The following BEND7 variants were observed in gnomAD, a reference collection of about 807,000 sequenced individuals.
BEND7 encodes BEN domain-containing protein 7.
Under a neutral mutation model 50.9 loss-of-function variants are expected in BEND7, and 28 were observed. That is an observed-to-expected ratio of 0.55 (90% CI 0.41 to 0.75). The LOEUF (loss-of-function observed/expected upper bound fraction) is 0.75. BEND7 is among the 30% of genes least tolerant of loss of function. The pLI is 0.00. For synonymous variants in BEND7, 170 were observed against 183.9 expected (o/e 0.92, Z 0.61); for missense variants, 477 against 491.3 (o/e 0.97, Z 0.28).
At chr10:13,500,396 G>A (rs563855375) in intron 2 of BEND7, 2 of 605,736 alleles carry the variant, frequency 3.3e-6, no homozygotes, top group South Asian at 4.2e-5. Context: ...TAGGTGATGA[G>A]GAAACAGGCT....
At chr10:13,439,472 A>G (rs754260487), downstream of BEND7, 3 of 1,612,206 alleles carry the variant, frequency 1.9e-6, no homozygotes, top group Non-Finnish European at 8.5e-7. Context: ...CACCCGGCAG[A>G]ACAGTGCAGG....
In BEND7 at chr10:13,499,764, G is replaced by A; in HGVS notation, c.448+14C>T. On this transcript the variant is annotated intron_variant, in intron 3 of 8. Coordinates refer to ENST00000466271, the MANE Select transcript of BEND7 (RefSeq NM_001369863.1). Reference sequence around the variant, plus strand: ...CCCCATGAGAGCCTTCTGAATGTTTGTTGACAACCATACCATTGGAGCTCG... The same window carrying A: ...CCCCATGAGAGCCTTCTGAATGTTTATTGACAACCATACCATTGGAGCTCG... 2.5e-6 allele frequency: 4 copies of A among 1,586,078 alleles called. No individual in the cohort carries two copies. Among genetic ancestry groups the A allele is most frequent in the Non-Finnish European group, 3.4e-6 (4 of 1,162,162 alleles).
At chr10:13,478,513 G>A (rs962373150) in intron 6 of BEND7, among the ~76,000 whole-genome samples, 22 of 152,170 alleles carry the variant, frequency 1.4e-4, no homozygotes, top group Non-Finnish European at 1.5e-4. Context: ...ATGTTGACTA[G>A]CCAGAATGAA....
chr10:13,527,909 A>C (rs2079534389), intron 1 of BEND7: 1 of 891,272 alleles, frequency 1.1e-6, no homozygotes, highest in Non-Finnish European at 1.3e-6. Context: ...TTTTTAAAGG[A>C]TGCTTATCTG....
At chr10:13,509,306 A>G (rs1460429359) in intron 2 of BEND7, among the ~76,000 whole-genome samples, 1 of 152,178 alleles carries the variant, frequency 6.6e-6, no homozygotes, top group African/African-American at 2.4e-5. Context: ...TTTAATTTTA[A>G]AACAATCTTC....
At chr10:13,439,053 A>G (rs1304853941), downstream of BEND7, 1 of 979,796 alleles carries the variant, frequency 1.0e-6, no homozygotes, top group African/African-American at 1.6e-5. Context: ...CAAAGGGGAG[A>G]GAGGGCATCC....
rs1261145851 is a variant in BEND7 at position 13,518,690 on chromosome 10, A to T, written c.145+7448T>A. Among the ~76,000 whole-genome samples, 4 of 152,368 alleles carry T rather than the reference A, an allele frequency of 2.6e-5. No homozygotes were observed. In the East Asian group the frequency reaches 7.7e-4, roughly 29 times the overall value. On this transcript the variant is annotated intron_variant, in intron 2 of 8. Transcript: ENST00000466271. Reference sequence around the variant, plus strand: ...TTGAAAAAAGAAGTTGTATCTCACAAATCAACATCAGAAATCCCAAATTTC... The same window carrying T: ...TTGAAAAAAGAAGTTGTATCTCACATATCAACATCAGAAATCCCAAATTTC...
intron 6 of BEND7, among the ~76,000 whole-genome samples, chr10:13,473,450 C>T (rs1359285772): frequency 2.0e-5 from 3 of 148,940 alleles, no homozygotes; most frequent in African/African-American, 5.0e-5. Flanking sequence ...GATTTGGGGT[C>T]GATACCCATC....
chr10:13,506,138 G>C (rs948011102), intron 2 of BEND7, among the ~76,000 whole-genome samples: 1 of 151,744 alleles, frequency 6.6e-6, no homozygotes, highest in East Asian at 1.9e-4. Flanking sequence ...TGGTTTTCCC[G>C]GCCCACTGAC....
intron 4 of BEND7, 114 bp from the exon 5 acceptor site, chr10:13,492,990 G>T: frequency 8.0e-7 from 1 of 1,243,286 alleles, no homozygotes; most frequent in Non-Finnish European, 1.1e-6. Context: ...AAAACTCCAG[G>T]ATGAAGCACA....
chr10:13,448,972 CAAAAA>C (rs35336154), intron 7 of BEND7, among the ~76,000 whole-genome samples: 1 of 56,674 alleles, frequency 1.8e-5, no homozygotes. Flanking sequence ...GACTCCATCT[CAAAAA>C]AAAAAAAAAA....
At chr10:13,466,523 C>T (rs1047517896) in intron 6 of BEND7, among the ~76,000 whole-genome samples, 1 of 151,400 alleles carries the variant, frequency 6.6e-6, no homozygotes, top group Non-Finnish European at 1.5e-5. Flanking sequence ...CACACCACTG[C>T]AGTCCAGTCT....
At chr10:13,460,642 A>T (rs1200633459) in intron 6 of BEND7, among the ~76,000 whole-genome samples, 1 of 152,194 alleles carries the variant, frequency 6.6e-6, no homozygotes, top group Non-Finnish European at 1.5e-5. Flanking sequence ...GCCTTTGTGC[A>T]CCCACAAATC....
intron 3 of BEND7, 39 bp from the exon 4 acceptor site, chr10:13,496,927 CCA>C (rs1491486241): frequency 5.9e-5 from 48 of 810,774 alleles, no homozygotes; most frequent in African/African-American, 3.4e-4. Flanking sequence ...TCCAAACAAA[CCA>C]AAAAAAAAAA....
intron 1 of BEND7, 47 bp downstream of exon 1, chr10:13,528,400 CAGCGTGGACCCCCGCGGGCGGCCGAG>C: frequency 2.7e-6 from 2 of 747,246 alleles, no homozygotes; most frequent in Non-Finnish European, 3.3e-6. Flanking sequence ...GCGCGCCCCC[CAGCGTGGACCCCCGCGGGCGGCCGAG>C]GGCGCGGCGC....
At chr10:13,474,591 G>A (rs1015047713) in intron 6 of BEND7, among the ~76,000 whole-genome samples, 16 of 150,508 alleles carry the variant, frequency 1.1e-4, no homozygotes, top group East Asian at 9.9e-4. Flanking sequence ...GTCGATACCC[G>A]TCACCGCTGT....
intron 2 of BEND7, among the ~76,000 whole-genome samples, chr10:13,522,772 G>A (rs1258126662): frequency 6.6e-6 from 1 of 152,000 alleles, no homozygotes; most frequent in Non-Finnish European, 1.5e-5. Flanking sequence ...GCGGTTAAGT[G>A]GAGTGTTCAA....
rs116418943 is a variant in BEND7 at position 13,517,128 on chromosome 10, T to C, written c.145+9010A>G. Reference sequence around the variant, plus strand: ...CGCCCAGGCTGGAGTGCAATGGTGCTATCTCAGCTCGCTGCAACTCCCACC... The same window carrying C: ...CGCCCAGGCTGGAGTGCAATGGTGCCATCTCAGCTCGCTGCAACTCCCACC... On this transcript the variant is annotated intron_variant, in intron 2 of 8. Transcript: ENST00000466271. Among the ~76,000 whole-genome samples, 1,093 of 150,608 alleles carry C rather than the reference T, an allele frequency of 7.3e-3. 14 individuals carry two copies. The highest frequency in any genetic ancestry group is 0.025 in the African/African-American group (1,018 of 41,000).
intron 3 of BEND7, 36 bp from the exon 4 acceptor site, chr10:13,496,924 A>G: frequency 1.6e-6 from 2 of 1,276,378 alleles, no homozygotes; most frequent in Non-Finnish European, 2.0e-6. Context: ...TACTCCAAAC[A>G]AACCAAAAAA....
Sources: gnomAD v4.1 joint callset for allele counts (sites outside exome capture counted in the v4.1 genomes callset) on GRCh38, gnomAD v4.1.1 for gene constraint, MANE v1.5 for transcripts, NCBI Gene and HGNC (gene_info 2026-07-23, HGNC 2026-07-21) for gene names.